Variants in ABTB3 observed in about 807,000 individuals in gnomAD.
ABTB3 encodes the protein ankyrin repeat- and BTB/POZ domain-containing protein 3.
chr12:107,452,713 C>T, the ABTB3 span, among the ~76,000 whole-genome samples: 9 of 152,082 alleles, frequency 5.9e-5, no homozygotes, highest in Admixed American at 3.3e-4. Flanking sequence ...TGGTGGCAGG[C>T]ACTTGTAATC....
the ABTB3 span, among the ~76,000 whole-genome samples, chr12:107,415,326 T>A: frequency 6.6e-6 from 1 of 152,184 alleles, no homozygotes; most frequent in Non-Finnish European, 1.5e-5. Flanking sequence ...GATGTTTTTC[T>A]TATTGGTTTG....
chr12:107,559,415 T>C, the ABTB3 span, among the ~76,000 whole-genome samples: 1 of 147,816 alleles, frequency 6.8e-6, no homozygotes, highest in Non-Finnish European at 1.5e-5. Context: ...CCCTTGAAGC[T>C]GCCCAGTGCA....
chr12:107,476,818 T>A, the ABTB3 span, among the ~76,000 whole-genome samples: 1 of 151,944 alleles, frequency 6.6e-6, no homozygotes, highest in African/African-American at 2.4e-5. Context: ...ATGAAGTGTG[T>A]GTGTGTGTGT....
chr12:107,319,299 T>C, the ABTB3 span: 1 of 1,543,104 alleles, frequency 6.5e-7, no homozygotes, highest in African/African-American at 1.4e-5. Flanking sequence ...GGCCCGGCGG[T>C]CCCCGGCGGC....
At chr12:107,360,930 A>ATTTTT in the ABTB3 span, among the ~76,000 whole-genome samples, 21,652 of 84,104 alleles carry the variant, frequency 0.26, 3,939 homozygotes, top group African/African-American at 0.43. Context: ...ATTTAATTTA[A>ATTTTT]TTTTTTTTTT....
chr12:107,486,660 C>A, the ABTB3 span: 3 of 150,776 alleles, frequency 2.0e-5, no homozygotes, highest in Non-Finnish European at 2.9e-5. Flanking sequence ...TCCTGAGAGA[C>A]CTTCTAGTAG....
At chr12:107,508,737 C>T in the ABTB3 span, among the ~76,000 whole-genome samples, 4 of 152,012 alleles carry the variant, frequency 2.6e-5, no homozygotes, top group Non-Finnish European at 5.9e-5. Context: ...CGTGAGCCAC[C>T]GTGCCCAGCC....
At chr12:107,569,822 G>C in the ABTB3 span, among the ~76,000 whole-genome samples, 1 of 152,200 alleles carries the variant, frequency 6.6e-6, no homozygotes, top group South Asian at 2.1e-4. Flanking sequence ...GGCAGGTTTG[G>C]CCACTTAAGC....
At chr12:107,552,994 C>G in the ABTB3 span, among the ~76,000 whole-genome samples, 2 of 152,202 alleles carry the variant, frequency 1.3e-5, no homozygotes, top group African/African-American at 4.8e-5. Context: ...GCCGAATCAA[C>G]TCAGGCAGTC....
the ABTB3 span, among the ~76,000 whole-genome samples, chr12:107,354,219 A>T: frequency 6.6e-6 from 1 of 152,102 alleles, no homozygotes; most frequent in Non-Finnish European, 1.5e-5. Flanking sequence ...AGTTTTTGTA[A>T]TAGCTTTCTT....
the ABTB3 span, among the ~76,000 whole-genome samples, chr12:107,594,212 T>A: frequency 1.3e-5 from 2 of 152,212 alleles, no homozygotes; most frequent in East Asian, 3.9e-4. Flanking sequence ...CAAAATCACA[T>A]GACAACACAT....
the ABTB3 span, among the ~76,000 whole-genome samples, chr12:107,512,278 A>G: frequency 6.6e-6 from 1 of 152,248 alleles, no homozygotes; most frequent in African/African-American, 2.4e-5. Flanking sequence ...ACATTGTATC[A>G]TAGACAACAA....
chr12:107,464,603 G>T, the ABTB3 span, among the ~76,000 whole-genome samples: 1 of 152,138 alleles, frequency 6.6e-6, no homozygotes, highest in Non-Finnish European at 1.5e-5. Context: ...GAGCCACTGG[G>T]CCTGGCCAAT....
At chr12:107,562,851 G>A in the ABTB3 span, among the ~76,000 whole-genome samples, 1 of 152,204 alleles carries the variant, frequency 6.6e-6, no homozygotes, top group African/African-American at 2.4e-5. Context: ...AATTAGCACA[G>A]CCTTGTGATT....
At chr12:107,643,770 T>TTTTTTTTTG in the ABTB3 span, among the ~76,000 whole-genome samples, 3 of 140,262 alleles carry the variant, frequency 2.1e-5, no homozygotes, top group African/African-American at 2.8e-5. Context: ...TTTTTTTTTT[T>TTTTTTTTTG]GTTGAGAGAG....
At chr12:107,611,263 C>T in the ABTB3 span, among the ~76,000 whole-genome samples, 2 of 152,006 alleles carry the variant, frequency 1.3e-5, no homozygotes, top group Non-Finnish European at 2.9e-5. Context: ...CCAGGCTGGC[C>T]TTGAACTCTT....
the ABTB3 span, chr12:107,649,287 T>C: frequency 6.2e-6 from 10 of 1,609,840 alleles, no homozygotes; most frequent in South Asian, 1.1e-5. Context: ...AAGGGATCCA[T>C]TGTGGTGTTG....
At chr12:107,335,396 T>C in the ABTB3 span, among the ~76,000 whole-genome samples, 2 of 149,878 alleles carry the variant, frequency 1.3e-5, no homozygotes, top group African/African-American at 4.9e-5. Flanking sequence ...TGTGATGTTT[T>C]CCTAAGGGGA....
chr12:107,522,741 G>GGGAAGGAA, the ABTB3 span, among the ~76,000 whole-genome samples: 5 of 144,696 alleles, frequency 3.5e-5, no homozygotes, highest in African/African-American at 1.3e-4. Context: ...GAGGGAAGGA[G>GGGAAGGAA]GGAAGGAAGG....
Sources: allele counts gnomAD v4.1 joint callset (sites outside exome capture counted in the v4.1 genomes callset), GRCh38; gene constraint gnomAD v4.1.1; transcripts MANE v1.5; gene names NCBI Gene and HGNC (gene_info 2026-07-23, HGNC 2026-07-21).